The following PARD3B variants were observed in gnomAD, a reference collection of about 807,000 sequenced individuals.
The protein encoded by PARD3B is partitioning defective 3 homolog B.
In PARD3B, 103 loss-of-function variants were observed where a neutral mutation model predicts 130.2. The observed-to-expected ratio is 0.79, with a 90% CI of 0.67 to 0.93. The LOEUF is 0.93. Among genes scored for constraint, PARD3B ranks in the 40% least tolerant of loss-of-function variants. The probability of loss-of-function intolerance (pLI) is 0.00; values close to 1 mark genes in which losing one functional copy is unlikely to be tolerated. For missense variants in PARD3B, 1,609 were observed against 1,499.2 expected, an observed-to-expected ratio of 1.07 and a Z score of -1.21; for synonymous variants, 583 against 553.2, an observed-to-expected ratio of 1.05 and a Z score of -0.76.
chr2:204,750,880 C>G (rs545398321), intron 2 of PARD3B, among the ~76,000 whole-genome samples: 1 of 152,220 alleles, frequency 6.6e-6, no homozygotes, highest in South Asian at 2.1e-4. Context: ...GTAACTCTTG[C>G]AAAGGCTTTA....
chr2:205,012,084 T>C (rs1695760691), intron 3 of PARD3B, among the ~76,000 whole-genome samples: 1 of 152,166 alleles, frequency 6.6e-6, no homozygotes, highest in South Asian at 2.1e-4. Flanking sequence ...TGCAACTTGG[T>C]TGGCCTCCCT....
intron 19 of PARD3B, among the ~76,000 whole-genome samples, chr2:205,416,485 G>A (rs1303679154): frequency 1.3e-5 from 2 of 152,058 alleles, no homozygotes; most frequent in Non-Finnish European, 2.9e-5. Context: ...AAAAATGTTG[G>A]GGGTAAAGGG....
intron 15 of PARD3B, among the ~76,000 whole-genome samples, chr2:205,219,990 G>C (rs2125868868): frequency 6.6e-6 from 1 of 152,188 alleles, no homozygotes; most frequent in East Asian, 1.9e-4. Flanking sequence ...GACAGAATCA[G>C]GATTCAAAAA....
intron 3 of PARD3B, among the ~76,000 whole-genome samples, chr2:205,027,707 T>G (rs939448898): frequency 6.6e-6 from 1 of 152,202 alleles, no homozygotes; most frequent in Non-Finnish European, 1.5e-5. Context: ...ATGTTACATT[T>G]AAGTCGTTAG....
intron 2 of PARD3B, among the ~76,000 whole-genome samples, chr2:204,876,803 G>A (rs374864523): frequency 6.6e-6 from 1 of 152,094 alleles, no homozygotes; most frequent in Non-Finnish European, 1.5e-5. Flanking sequence ...TGACTGAAAA[G>A]CCCTTAATTA....
chr2:205,017,790 G>T (rs968671841), intron 3 of PARD3B, among the ~76,000 whole-genome samples: 1 of 152,058 alleles, frequency 6.6e-6, no homozygotes, highest in Non-Finnish European at 1.5e-5. Context: ...TCCAAATCCT[G>T]GCCTTGTCAC....
chr2:205,605,337 C>T (rs1370725683), intron 22 of PARD3B, among the ~76,000 whole-genome samples: 3 of 152,186 alleles, frequency 2.0e-5, no homozygotes, highest in Non-Finnish European at 2.9e-5. Flanking sequence ...TGTTGATTCT[C>T]ATCTTCATGA....
Position 205,160,131 on chromosome 2 carries a change from A to G in PARD3B, c.1620+1224A>G, listed in dbSNP as rs2034422403. Among the ~76,000 whole-genome samples the G allele has an allele frequency of 6.6e-6, 1 of 152,208 alleles. No individual in the cohort carries two copies. The highest frequency in any genetic ancestry group is 1.5e-5 in the Non-Finnish European group (1 of 68,038). On this transcript the variant is annotated intron_variant, in intron 11 of 22. Transcript: ENST00000406610. The surrounding 1 kb of genome is among the most constrained non-coding windows in gnomAD (Gnocchi z 4.0). ...ATAATGCCTTTTTCACTGGGAAATAAATGTACTTTGGACAGACACCTCTTC... is the reference window on the plus strand; with the variant it reads ...ATAATGCCTTTTTCACTGGGAAATAGATGTACTTTGGACAGACACCTCTTC...
chr2:205,357,292 T>C lies in PARD3B; in HGVS notation c.2631-43721T>C, dbSNP rs73982889. Among the ~76,000 whole-genome samples, 1,089 of 152,302 alleles carry C rather than the reference T, an allele frequency of 7.2e-3. 14 individuals carry two copies. The highest frequency in any genetic ancestry group is 0.025 in the African/African-American group (1,027 of 41,552). On this transcript the variant is annotated intron_variant, in intron 18 of 22. Transcript: ENST00000406610. The stretch of plus-strand genomic sequence containing the variant: ...ACTCCTTTGGTGATGCTGAAGCATT[T>C]TGAGGACATGACTAGGTCTTACACA...
intron 22 of PARD3B, among the ~76,000 whole-genome samples, chr2:205,594,493 A>G (rs892572247): frequency 1.3e-5 from 2 of 152,102 alleles, no homozygotes; most frequent in Non-Finnish European, 2.9e-5. Flanking sequence ...TGGGTCAGGG[A>G]CCATGTGAAT....
At chr2:204,776,809 G>A (rs1025135821) in intron 2 of PARD3B, among the ~76,000 whole-genome samples, 6 of 151,732 alleles carry the variant, frequency 4.0e-5, no homozygotes, top group Admixed American at 2.6e-4. Flanking sequence ...TCCACCTAAG[G>A]GAATAAATTC....
chr2:205,135,109 T>C (rs528718692), intron 10 of PARD3B, among the ~76,000 whole-genome samples: 127 of 152,298 alleles, frequency 8.3e-4, no homozygotes, highest in African/African-American at 2.9e-3. Context: ...AAAAGAATTT[T>C]CTGAATTTAT....
At chr2:204,605,717 A>G (rs1224675616) in intron 1 of PARD3B, among the ~76,000 whole-genome samples, 3 of 152,200 alleles carry the variant, frequency 2.0e-5, no homozygotes, top group Non-Finnish European at 4.4e-5. Flanking sequence ...CATCCGTAAA[A>G]AAGAGAATTA....
At chr2:204,633,040 A>G (rs866751314) in intron 1 of PARD3B, among the ~76,000 whole-genome samples, 4 of 152,186 alleles carry the variant, frequency 2.6e-5, no homozygotes, top group Non-Finnish European at 4.4e-5. Flanking sequence ...TGCAGTGAAC[A>G]TGAGAGTTTG....
rs557709368 is a variant in PARD3B, at chr2:204,651,363, T to C, written c.121-34818T>C. On this transcript the variant is annotated intron_variant, in intron 1 of 22. Transcript: ENST00000406610. The stretch of plus-strand genomic sequence containing the variant: ...GAAATTGACCCAAAGAAAGGGGCTG[T>C]TGGCCCCATGCAAGTCCAAAACCCA... Among the ~76,000 whole-genome samples the C allele has an allele frequency of 2.3e-4, 35 of 152,368 alleles. 1 individual carries two copies. The South Asian group carries it at 6.2e-3, about 27-fold the overall frequency.
chr2:205,395,026 G>A (rs2045976597), intron 18 of PARD3B, among the ~76,000 whole-genome samples: 1 of 152,154 alleles, frequency 6.6e-6, no homozygotes, highest in African/African-American at 2.4e-5. Flanking sequence ...CCTTAATAAA[G>A]AGGGAAAAGA....
intron 2 of PARD3B, among the ~76,000 whole-genome samples, chr2:204,771,420 C>T (rs2041374405): frequency 6.6e-6 from 1 of 152,004 alleles, no homozygotes; most frequent in Non-Finnish European, 1.5e-5. Flanking sequence ...GTACTGAGAA[C>T]ACTATGTTTT....
intron 16 of PARD3B, among the ~76,000 whole-genome samples, chr2:205,296,878 A>T (rs372654077): frequency 0.034 from 4,663 of 138,470 alleles, 82 homozygotes; most frequent in Middle Eastern, 0.061. Context: ...CATCTTTTTA[A>T]AAAAAAAAAA....
intron 20 of PARD3B, among the ~76,000 whole-genome samples, chr2:205,491,528 AAGTCAGGT>A (rs1361845499): frequency 6.6e-6 from 1 of 152,072 alleles, no homozygotes; most frequent in African/African-American, 2.4e-5. Context: ...GCATAGTTTG[AAGTCAGGT>A]AGTGTGATGC....
Sources: allele counts gnomAD v4.1 joint callset (sites outside exome capture counted in the v4.1 genomes callset), GRCh38; gene constraint gnomAD v4.1.1; non-coding constraint Gnocchi (gnomAD v3.1); transcripts MANE v1.5; gene names NCBI Gene and HGNC (gene_info 2026-07-23, HGNC 2026-07-21).